Variants in SIPA1L1 observed in about 807,000 individuals in gnomAD.
SIPA1L1 encodes signal induced proliferation associated 1 like 1, also known as signal-induced proliferation-associated 1-like protein 1.
In SIPA1L1, 26 loss-of-function variants were observed where a neutral mutation model predicts 162.7. The observed-to-expected ratio is 0.16, with a 90% confidence interval of 0.12 to 0.22. SIPA1L1 has a LOEUF of 0.22. SIPA1L1 is among the 10% of genes least tolerant of loss of function. The probability of loss-of-function intolerance (pLI) is 1.00; values close to 1 mark genes in which losing one functional copy is unlikely to be tolerated. For missense variants in SIPA1L1, 1,874 were observed against 2,241.0 expected (o/e 0.84, Z 3.31); for synonymous variants, 829 against 837.4 (o/e 0.99, Z 0.17).
At chr14:71,518,026 G>A (rs1298146563) in intron 3 of SIPA1L1, among the ~76,000 whole-genome samples, 1 of 152,118 alleles carries the variant, frequency 6.6e-6, no homozygotes, top group Non-Finnish European at 1.5e-5. Context: ...GCTCACACCT[G>A]TAATCCTTCC....
intron 2 of SIPA1L1, among the ~76,000 whole-genome samples, chr14:71,345,023 T>C (rs2036017080): frequency 6.6e-6 from 1 of 152,204 alleles, no homozygotes; most frequent in Admixed American, 6.5e-5. Flanking sequence ...GTAGTTTTCT[T>C]TGAAAGGTCA....
chr14:71,371,194 A>C (rs1385533155), intron 2 of SIPA1L1, among the ~76,000 whole-genome samples: 2 of 152,182 alleles, frequency 1.3e-5, no homozygotes, highest in East Asian at 1.9e-4. Context: ...AGTGTGAATA[A>C]GAAATACTTG....
intron 5 of SIPA1L1, among the ~76,000 whole-genome samples, chr14:71,614,156 T>G (rs2038549088): frequency 6.6e-6 from 1 of 150,978 alleles, no homozygotes; most frequent in Non-Finnish European, 1.5e-5. Context: ...AGGCGGAGGT[T>G]GCAGTGGGCC....
At chr14:71,598,682 T>C (rs1401064833) in intron 5 of SIPA1L1, among the ~76,000 whole-genome samples, 7 of 152,138 alleles carry the variant, frequency 4.6e-5, no homozygotes, top group Admixed American at 3.9e-4. Flanking sequence ...TTGCACATAG[T>C]GGAAACACTG....
chr14:71,582,245 G>A (rs2034032350), intron 4 of SIPA1L1, among the ~76,000 whole-genome samples: 1 of 152,080 alleles, frequency 6.6e-6, no homozygotes, highest in South Asian at 2.1e-4. Context: ...CAAGGTGGGA[G>A]GATCACTTGA....
At chr14:71,455,288 C>G (rs1451915959) in intron 2 of SIPA1L1, among the ~76,000 whole-genome samples, 2 of 152,150 alleles carry the variant, frequency 1.3e-5, no homozygotes, top group African/African-American at 4.8e-5. Context: ...ATTGTTTGAT[C>G]AAGTGAATGG....
intron 2 of SIPA1L1, among the ~76,000 whole-genome samples, chr14:71,388,960 G>A (rs956650203): frequency 2.6e-5 from 4 of 152,094 alleles, no homozygotes; most frequent in African/African-American, 9.7e-5. Flanking sequence ...GTTGTTGTTT[G>A]GTAGAGATAG....
intron 12 of SIPA1L1, among the ~76,000 whole-genome samples, chr14:71,683,382 A>AT (rs1596947819): frequency 1.3e-5 from 2 of 152,216 alleles, no homozygotes; most frequent in East Asian, 3.8e-4. Context: ...GAACAAGAGC[A>AT]TTGCTGAGGA....
intron 3 of SIPA1L1, among the ~76,000 whole-genome samples, chr14:71,519,006 A>G (rs988733936): frequency 3.9e-5 from 6 of 152,162 alleles, no homozygotes; most frequent in Admixed American, 2.0e-4. Context: ...TAGCATGGGA[A>G]AGACCAGCCC....
In SIPA1L1 at chr14:71,738,239, A is replaced by G. The variant is rs1288408380; in HGVS notation, c.5124-2A>G. The G allele has an allele frequency of 4.4e-6, 7 of 1,600,576 alleles. No homozygotes were observed. The East Asian group carries it at 1.1e-4, about 26-fold the overall frequency. On this transcript the variant is annotated splice_acceptor_variant, in intron 22 of 23. Coordinates refer to ENST00000381232, the MANE Select transcript of SIPA1L1 (RefSeq NM_001386936.1). LOFTEE classifies it high-confidence loss of function. Reference sequence around the variant, plus strand: ...ACATGGTCTTTTGTTTCTTGTTCCCAGCAGTAAAGACTCCTCTCCCACTCT... The same window carrying G: ...ACATGGTCTTTTGTTTCTTGTTCCCGGCAGTAAAGACTCCTCTCCCACTCT...
chr14:71,654,287 T>G (rs1352230124), intron 8 of SIPA1L1, among the ~76,000 whole-genome samples: 1 of 152,204 alleles, frequency 6.6e-6, no homozygotes, highest in Admixed American at 6.5e-5. Flanking sequence ...TTTTCCTTCT[T>G]TTTTGTTTTC....
intron 2 of SIPA1L1, among the ~76,000 whole-genome samples, chr14:71,494,814 A>AT (rs1355452840): frequency 6.6e-6 from 1 of 151,960 alleles, no homozygotes. Context: ...TACTTTGTGT[A>AT]TTTTTAGTAG....
chr14:71,425,846 T>TC, intron 2 of SIPA1L1, among the ~76,000 whole-genome samples: 1 of 102,368 alleles, frequency 9.8e-6, no homozygotes, highest in South Asian at 2.8e-4. Flanking sequence ...TCTTTGGTTT[T>TC]ATTTTAGATT....
chr14:71,689,486 T>C (rs2081099708), intron 13 of SIPA1L1, among the ~76,000 whole-genome samples: 1 of 152,220 alleles, frequency 6.6e-6, no homozygotes, highest in South Asian at 2.1e-4. Flanking sequence ...AAATAAAAAT[T>C]GCTGGCTGTG....
At chr14:71,539,383 G>A (rs1051532807) in intron 4 of SIPA1L1, among the ~76,000 whole-genome samples, 1 of 152,158 alleles carries the variant, frequency 6.6e-6, no homozygotes, top group Non-Finnish European at 1.5e-5. Flanking sequence ...TGTTTCCAGA[G>A]AATAGCTACT....
At chr14:71,554,524 G>T (rs1409999013) in intron 4 of SIPA1L1, among the ~76,000 whole-genome samples, 1 of 152,176 alleles carries the variant, frequency 6.6e-6, no homozygotes, top group African/African-American at 2.4e-5. Flanking sequence ...TGAAACCGAA[G>T]ATGTTCTCAG....
At chr14:71,561,697 C>T (rs2056807560) in intron 4 of SIPA1L1, among the ~76,000 whole-genome samples, 1 of 152,230 alleles carries the variant, frequency 6.6e-6, no homozygotes, top group African/African-American at 2.4e-5. Context: ...AAGCCATTCT[C>T]CTGCCTCAGC....
At chr14:71,733,241 C>G (rs1364347218) in intron 20 of SIPA1L1, among the ~76,000 whole-genome samples, 2 of 152,124 alleles carry the variant, frequency 1.3e-5, no homozygotes, top group Non-Finnish European at 2.9e-5. Context: ...CTATTGTCCC[C>G]TCTAGTAGGA....
In SIPA1L1 at chr14:71,739,947, T is replaced by TA. The variant is rs1166848364; in HGVS notation, c.*787dup. ...CCACTAAATTGGAATCAATCTCTCT[T>TA]ACAGCTTCCTGGCTCCAAACATTAA... On this transcript the variant is annotated 3_prime_UTR_variant, in exon 24 of 24. Coordinates refer to ENST00000381232, the MANE Select transcript of SIPA1L1 (RefSeq NM_001386936.1). The TA allele has an allele frequency of 2.0e-5, 3 of 152,230 alleles. No individual in the cohort carries two copies. The highest frequency in any genetic ancestry group is 4.4e-5 in the Non-Finnish European group (3 of 68,046). The allele number at this position is 152,230 out of a possible 1,614,324, so 9.4% of individuals were successfully genotyped here.
Sources: allele counts gnomAD v4.1 joint callset (sites outside exome capture counted in the v4.1 genomes callset), GRCh38; gene constraint gnomAD v4.1.1; transcripts MANE v1.5; gene names NCBI Gene and HGNC (gene_info 2026-07-23, HGNC 2026-07-21).